Variants in CACNA2D3 observed in about 807,000 individuals in gnomAD.
CACNA2D3 encodes the protein calcium voltage-gated channel auxiliary subunit alpha2delta 3.
In CACNA2D3, 60 loss-of-function variants were observed where a neutral mutation model predicts 160.6. The observed-to-expected ratio is 0.37, with a 90% CI of 0.30 to 0.46. The LOEUF is 0.46. Ranked by LOEUF, CACNA2D3 falls within the 20% of genes least tolerant of loss-of-function variation. CACNA2D3 has a pLI of 1.00. For missense variants in CACNA2D3, 1,205 were observed against 1,365.0 expected (o/e 0.88, Z 1.85); for synonymous variants, 558 against 492.9 (o/e 1.13, Z -1.75).
chr3:54,685,024 C>A (rs1559548792), intron 11 of CACNA2D3, among the ~76,000 whole-genome samples: 1 of 152,140 alleles, frequency 6.6e-6, no homozygotes. Flanking sequence ...TGTCACCTTA[C>A]AATCTATCAA....
chr3:55,052,371 T>C (rs778765457), intron 35 of CACNA2D3, among the ~76,000 whole-genome samples: 33 of 151,966 alleles, frequency 2.2e-4, no homozygotes, highest in Non-Finnish European at 3.4e-4. Flanking sequence ...ACTTTGTGAA[T>C]ATTCCATATG....
At chr3:54,433,388 C>T (rs568115662) in intron 4 of CACNA2D3, among the ~76,000 whole-genome samples, 1 of 152,272 alleles carries the variant, frequency 6.6e-6, no homozygotes, top group South Asian at 2.1e-4. Context: ...GGAAATAGAG[C>T]TTTCATCTTC....
intron 29 of CACNA2D3, among the ~76,000 whole-genome samples, chr3:54,977,445 C>A (rs1398648691): frequency 6.6e-6 from 1 of 152,084 alleles, no homozygotes; most frequent in East Asian, 1.9e-4. Context: ...TGCCTTGTAC[C>A]TGTATTGCAT....
intron 8 of CACNA2D3, among the ~76,000 whole-genome samples, chr3:54,574,221 G>A (rs1702546390): frequency 1.3e-5 from 2 of 152,144 alleles, no homozygotes; most frequent in Admixed American, 6.5e-5. Flanking sequence ...AGTGCCGGAA[G>A]CCCTCGTGTA....
intron 4 of CACNA2D3, among the ~76,000 whole-genome samples, chr3:54,485,439 A>G (rs1300019742): frequency 6.6e-6 from 1 of 152,214 alleles, no homozygotes; most frequent in Non-Finnish European, 1.5e-5. Context: ...CCACATGTTC[A>G]GATTCAACTT....
chr3:54,714,354 A>T (rs1701010121), intron 11 of CACNA2D3, among the ~76,000 whole-genome samples: 1 of 152,180 alleles, frequency 6.6e-6, no homozygotes, highest in African/African-American at 2.4e-5. Context: ...TACCTCTGGG[A>T]TGGAGGGCGA....
At chr3:54,472,503 C>G (rs1345475146) in intron 4 of CACNA2D3, among the ~76,000 whole-genome samples, 5 of 152,108 alleles carry the variant, frequency 3.3e-5, no homozygotes, top group Non-Finnish European at 7.4e-5. Context: ...TCTCACCACT[C>G]CTATTCAACA....
chr3:54,304,032 C>G (rs1428606103), intron 2 of CACNA2D3, among the ~76,000 whole-genome samples: 1 of 152,020 alleles, frequency 6.6e-6, no homozygotes, highest in African/African-American at 2.4e-5. Context: ...CAGTTTTTCT[C>G]AACCTCTGGA....
intron 11 of CACNA2D3, among the ~76,000 whole-genome samples, chr3:54,666,538 T>G (rs1700072305): frequency 6.6e-6 from 1 of 152,206 alleles, no homozygotes; most frequent in African/African-American, 2.4e-5. Flanking sequence ...CAGAGATCTA[T>G]CCAATGCCAT....
chr3:54,357,944 A>G (rs1165608248), intron 3 of CACNA2D3, among the ~76,000 whole-genome samples: 1 of 152,254 alleles, frequency 6.6e-6, no homozygotes, highest in Non-Finnish European at 1.5e-5. Flanking sequence ...AGAGCACAGG[A>G]AAGTTTTAGG....
chr3:54,675,400 T>C (rs1272582561), intron 11 of CACNA2D3, among the ~76,000 whole-genome samples: 2 of 152,038 alleles, frequency 1.3e-5, no homozygotes. Flanking sequence ...GAGGCAGTCA[T>C]GTGGGGATAA....
At chr3:54,977,184 G>T (rs1046330249) in intron 29 of CACNA2D3, among the ~76,000 whole-genome samples, 2 of 152,146 alleles carry the variant, frequency 1.3e-5, no homozygotes, top group African/African-American at 4.8e-5. Flanking sequence ...CCACAAAAAG[G>T]GTAAAATATA....
chr3:54,525,055 A>G (rs1701704142), intron 5 of CACNA2D3, among the ~76,000 whole-genome samples: 2 of 152,128 alleles, frequency 1.3e-5, no homozygotes, highest in South Asian at 4.1e-4. Flanking sequence ...AGTATATAGT[A>G]TACTAAAGAA....
chr3:54,809,010 TC>T (rs1252488366), intron 13 of CACNA2D3, among the ~76,000 whole-genome samples: 4 of 152,166 alleles, frequency 2.6e-5, no homozygotes, highest in Non-Finnish European at 5.9e-5. Flanking sequence ...GCTCGTTTAA[TC>T]CTCACATTAA....
At chr3:54,431,327 C>CA (rs538169080) in intron 4 of CACNA2D3, among the ~76,000 whole-genome samples, 7,689 of 84,770 alleles carry the variant, frequency 0.091, 444 homozygotes, top group African/African-American at 0.21. Context: ...GACTCCGTCT[C>CA]AAAAAAAAAA....
chr3:54,405,738 G>C (rs1199353116), intron 4 of CACNA2D3, among the ~76,000 whole-genome samples: 3 of 151,964 alleles, frequency 2.0e-5, no homozygotes, highest in Non-Finnish European at 4.4e-5. Flanking sequence ...AAACTAAATA[G>C]CTTCTGCACA....
intron 2 of CACNA2D3, among the ~76,000 whole-genome samples, chr3:54,268,468 G>C (rs924361084): frequency 6.6e-6 from 1 of 152,156 alleles, no homozygotes; most frequent in Non-Finnish European, 1.5e-5. Context: ...GGAGTGCAGT[G>C]GCGCAATGTT....
At chr3:54,511,204 C>G (rs1169395628) in intron 5 of CACNA2D3, among the ~76,000 whole-genome samples, 3 of 152,234 alleles carry the variant, frequency 2.0e-5, no homozygotes, top group East Asian at 3.9e-4. Flanking sequence ...GGCCCTAGCC[C>G]TCCTCTCCAG....
At chr3:54,745,991 T>C (rs1701747001) in intron 11 of CACNA2D3, among the ~76,000 whole-genome samples, 1 of 152,214 alleles carries the variant, frequency 6.6e-6, no homozygotes, top group African/African-American at 2.4e-5. Flanking sequence ...TCCCATTTTA[T>C]TGCTGTTCAG....
Sources: gnomAD v4.1 joint callset for allele counts (sites outside exome capture counted in the v4.1 genomes callset) on GRCh38, gnomAD v4.1.1 for gene constraint, MANE v1.5 for transcripts, NCBI Gene and HGNC (gene_info 2026-07-23, HGNC 2026-07-21) for gene names.